The following COL6A3 variants were observed in gnomAD, a reference collection of about 807,000 sequenced individuals.
The protein encoded by COL6A3 is collagen alpha-3(VI) chain.
Under a neutral mutation model 274.1 loss-of-function variants are expected in COL6A3, and 137 were observed. The ratio of observed to expected loss-of-function variants is 0.50; its 90% confidence interval spans 0.44 to 0.58. COL6A3 has a LOEUF of 0.58. COL6A3 is among the 20% of genes least tolerant of loss of function. COL6A3 has a pLI of 0.00. For synonymous variants in COL6A3, 1,650 were observed against 1,650.6 expected (o/e 1.00, Z 0.01); for missense variants, 3,950 against 4,124.9 (o/e 0.96, Z 1.16).
chr2:237,408,325 A>G (rs2078770905), intron 1 of COL6A3, among the ~76,000 whole-genome samples: 2 of 152,174 alleles, frequency 1.3e-5, no homozygotes, highest in Admixed American at 6.5e-5. Flanking sequence ...TGTTGCTCGA[A>G]CAGGCCATAG....
At chr2:237,370,724 A>G (rs1389582231) in intron 9 of COL6A3, among the ~76,000 whole-genome samples, 1 of 152,190 alleles carries the variant, frequency 6.6e-6, no homozygotes, top group Admixed American at 6.5e-5. Flanking sequence ...AATGCAGCAT[A>G]GTGGAAGCTG....
Position 237,341,001 on chromosome 2 carries a change from T to C in COL6A3, c.7915A>G (p.Lys2639Glu). ...CTGACCAGGTACGCTATGTACTTCT[T>C]CATCTCATTGAACTGGAACAGGGTG... The part of the protein sequence containing the change: ...TTTLFQFNEM[K>E]KYIAYLVRQL... The change falls in exon 38 of 44, where the codon AAG (lysine) becomes GAG (glutamate). Residue 2639 changes from lysine to glutamate, a missense_variant. Physicochemically the swap from Lys to Glu is moderately conservative, Grantham distance 56 (BLOSUM62 1). Coordinates refer to ENST00000295550, the MANE Select transcript of COL6A3 (RefSeq NM_004369.4). 1 of 1,614,166 alleles carries C rather than the reference T, an allele frequency of 6.2e-7. No individual in the cohort carries two copies. Among genetic ancestry groups the C allele is most frequent in the South Asian group, 1.1e-5 (1 of 91,074 alleles).
intron 9 of COL6A3, among the ~76,000 whole-genome samples, chr2:237,369,753 G>A (rs2077641050): frequency 6.6e-6 from 1 of 152,106 alleles, no homozygotes; most frequent in African/African-American, 2.4e-5. Context: ...AGGCATTTGT[G>A]CCCTCGTATT....
intron 29 of COL6A3, 66 bp downstream of exon 29, chr2:237,348,547 A>T: frequency 6.7e-7 from 1 of 1,497,134 alleles, no homozygotes; most frequent in South Asian, 1.1e-5. Context: ...AACACAACAC[A>T]TCAGAAGTTG....
chr2:237,390,248 G>A (rs1441813069), intron 3 of COL6A3, among the ~76,000 whole-genome samples: 2 of 152,148 alleles, frequency 1.3e-5, no homozygotes, highest in Admixed American at 6.6e-5. Context: ...TTATAGTCAT[G>A]CAAATAAGAT....
chr2:237,361,776 C>T lies in COL6A3; in HGVS notation c.6119G>A (p.Arg2040Lys). 4.3e-6 allele frequency: 7 copies of T among 1,614,236 alleles called. No homozygotes were observed. Among genetic ancestry groups the T allele is most frequent in the Non-Finnish European group, 5.9e-6 (7 of 1,180,052 alleles). ...GCTGCCGATGGGCCCGCGGTCTCCC[C>T]TCTGCCCAGAGCACTTGCAGGGAAC... is the stretch of plus-strand genomic sequence containing the variant. ...CGVPCKCSGQRGDRGPIGSIG... is the reference protein window; with the variant it reads ...CGVPCKCSGQKGDRGPIGSIG... The change falls in exon 15 of 44, where the codon AGG becomes AAG. Residue 2040 changes from arginine (R) to lysine (K), a missense_variant. Around this residue, in one of 5 missense-constraint regions of COL6A3, gnomAD observed 92 missense variants for 143.4 expected, o/e 0.64. Transcript: ENST00000295550. This position sits in a 1 kb window ranked among gnomAD's most constrained non-coding sequence, Gnocchi z 5.1.
intron 1 of COL6A3, among the ~76,000 whole-genome samples, chr2:237,412,237 G>A (rs754457468): frequency 6.6e-6 from 1 of 152,180 alleles, no homozygotes; most frequent in Non-Finnish European, 1.5e-5. Context: ...CTCCTTCAGC[G>A]CCCTCCACCC....
intron 1 of COL6A3, among the ~76,000 whole-genome samples, chr2:237,411,871 A>G (rs1462846002): frequency 6.6e-6 from 1 of 152,098 alleles, no homozygotes; most frequent in Non-Finnish European, 1.5e-5. Flanking sequence ...CCAAGCAGGG[A>G]AAGAGCGGGG....
chr2:237,358,605 A>G, intron 20 of COL6A3, 22 bp from the exon 21 acceptor site: 1 of 1,604,562 alleles, frequency 6.2e-7, no homozygotes, highest in South Asian at 1.1e-5. Flanking sequence ...GCACAAGTGG[A>G]TGCTAAAAAC....
chr2:237,364,269 A>G lies in COL6A3; in HGVS notation c.5917+81T>C, dbSNP rs1459712598. The G allele has an allele frequency of 2.4e-5, 27 of 1,112,296 alleles. No homozygotes were observed. Among genetic ancestry groups the G allele is most frequent in the Non-Finnish European group, 3.7e-5 (27 of 730,358 alleles). 68.9% of individuals were successfully genotyped at this position (1,112,296 alleles called of 1,614,324 possible). A position where few individuals can be genotyped will look rare whatever the true frequency, so the allele number is the denominator to read the frequency against. ...TGCTCCCTTGGGGCGCTGCATTAGC[A>G]GAGAGGTTTCTCTCCAGCAGAGCAG... On this transcript the variant is annotated intron_variant, in intron 13 of 43. Transcript: ENST00000295550. The surrounding 1 kb of genome is among the most constrained non-coding windows in gnomAD (Gnocchi z 4.6).
At chr2:237,332,393 A>G (rs1191158631) in intron 42 of COL6A3, among the ~76,000 whole-genome samples, 3 of 152,074 alleles carry the variant, frequency 2.0e-5, no homozygotes, top group Non-Finnish European at 4.4e-5. Flanking sequence ...GAGAAATGAC[A>G]TACACAGATT....
chr2:237,367,028 T>C lies in COL6A3; in HGVS notation c.5159A>G (p.Lys1720Arg), dbSNP rs2077571169. 1.2e-6 allele frequency: 2 copies of C among 1,614,232 alleles called. No individual in the cohort carries two copies. Among genetic ancestry groups the C allele is most frequent in the African/African-American group, 1.3e-5 (1 of 75,064 alleles). ...TACCCGCAGGTGCTCAAGGCCCACC[T>C]TAGTGTTGGCGTGTCTTCCCCCTTT... The part of the protein sequence containing the change: ...VYKGGRHANT[K>R]VGLEHLRVNH... Residue 1720 changes from lysine (K) to arginine (R), a missense_variant, in exon 11 of 44, where the codon AAG becomes AGG. By Grantham distance (26) the Lys-to-Arg change is conservative. This residue lies in a region of COL6A3 where 632 missense variants were observed against 623.4 expected (regional missense o/e 1.01). Coordinates refer to ENST00000295550, the MANE Select transcript of COL6A3 (RefSeq NM_004369.4).
chr2:237,371,094 C>T lies in COL6A3; in HGVS notation c.4285+638G>A, dbSNP rs1293573801. Among the ~76,000 whole-genome samples, 3 of 152,226 alleles carry T rather than the reference C, an allele frequency of 2.0e-5. No individual in the cohort carries two copies. The highest frequency in any genetic ancestry group is 4.4e-5 in the Non-Finnish European group (3 of 68,040). On this transcript the variant is annotated intron_variant, in intron 9 of 43. Transcript: ENST00000295550. This position sits in a 1 kb window ranked among gnomAD's most constrained non-coding sequence, Gnocchi z 4.3. ...CAGAATCACCTCCACGTCTTGACAACATCCAATCCAGGCCACAGTTCCATT... is the reference window on the plus strand; with the variant it reads ...CAGAATCACCTCCACGTCTTGACAATATCCAATCCAGGCCACAGTTCCATT...
chr2:237,337,762 C>T (rs752997819), intron 39 of COL6A3, among the ~76,000 whole-genome samples: 1 of 152,176 alleles, frequency 6.6e-6, no homozygotes, highest in African/African-American at 2.4e-5. Context: ...CTGTTACATG[C>T]CCCCACTGCC....
In COL6A3 at chr2:237,354,908, G is replaced by T; in HGVS notation, c.6618C>A (p.Pro2206=). The T allele has an allele frequency of 3.1e-6, 5 of 1,612,010 alleles. No individual in the cohort carries two copies. The highest frequency in any genetic ancestry group is 4.2e-6 in the Non-Finnish European group (5 of 1,178,690). The change falls in exon 24 of 44, where the codon CCC becomes CCA. Residue 2206 remains proline, a synonymous_variant. Transcript: ENST00000295550. Reference sequence around the variant, plus strand: ...ACTGCATGAGGCTCACCTTAGCTCCGGGGGGTCCCCTTCGGCCAAAGCCAC... The same window carrying T: ...ACTGCATGAGGCTCACCTTAGCTCCTGGGGGTCCCCTTCGGCCAAAGCCAC... ...KNGGFGRRGP[P]GAKGNKGGPG...
chr2:237,393,936 G>A (rs2078358250), intron 3 of COL6A3, among the ~76,000 whole-genome samples: 1 of 152,142 alleles, frequency 6.6e-6, no homozygotes. Flanking sequence ...GTCTCTGTGG[G>A]CACAGCCATG....
In COL6A3 at chr2:237,364,774, ATG is replaced by A. The variant is rs1392537879; in HGVS notation, c.5839-348_5839-347del. Among the ~76,000 whole-genome samples the A allele has an allele frequency of 1.4e-5, 2 of 145,384 alleles. No individual in the cohort carries two copies. Among genetic ancestry groups the A allele is most frequent in the South Asian group, 2.3e-4 (1 of 4,422 alleles). ...TGTGTGTGCATGTGTGTGGGTACAT[ATG>A]TGTGTGTATGGGTGCATTGTGTGTG... is the stretch of plus-strand genomic sequence containing the variant. On this transcript the variant is annotated intron_variant, in intron 12 of 43. Transcript: ENST00000295550. This position sits in a 1 kb window ranked among gnomAD's most constrained non-coding sequence, Gnocchi z 4.6.
Position 237,395,249 on chromosome 2 carries a change from A to G in COL6A3, c.92-45T>C, listed in dbSNP as rs761816533. 3.7e-6 allele frequency: 6 copies of G among 1,603,236 alleles called. No individual in the cohort carries two copies. The African/African-American group carries it at 5.3e-5, about 14-fold the overall frequency. On this transcript the variant is annotated intron_variant, in intron 2 of 43. Transcript: ENST00000295550. ...TTTAGATTTTTCTACTATGTAAGCAATTACTTCCTATCAATGCAAAGCCTT... is the reference window on the plus strand; with the variant it reads ...TTTAGATTTTTCTACTATGTAAGCAGTTACTTCCTATCAATGCAAAGCCTT...
At chr2:237,329,409 C>T (rs752589258) in intron 42 of COL6A3, 2 of 152,188 alleles carry the variant, frequency 1.3e-5, no homozygotes, top group African/African-American at 2.4e-5. Flanking sequence ...TCTTTCAGAT[C>T]TTGACCAACA....
Sources: gnomAD v4.1 joint callset for allele counts (sites outside exome capture counted in the v4.1 genomes callset) on GRCh38, gnomAD v4.1.1 for gene constraint, gnomAD v4.1.1 regional missense constraint, Gnocchi (gnomAD v3.1) non-coding constraint, MANE v1.5 for transcripts, NCBI Gene and HGNC (gene_info 2026-07-23, HGNC 2026-07-21) for gene names.